Variants in GRHL1 observed in about 807,000 individuals in gnomAD.
GRHL1 encodes grainyhead like transcription factor 1.
A neutral mutation model predicts 75.7 loss-of-function variants in GRHL1; 38 were observed. The observed-to-expected ratio is 0.50, with a 90% CI of 0.39 to 0.66. The LOEUF is 0.66. Ranked by LOEUF, GRHL1 falls within the 30% of genes least tolerant of loss-of-function variation. The pLI, the probability that GRHL1 is intolerant of heterozygous loss-of-function variation, is 0.00. For missense variants in GRHL1, 589 were observed against 767.5 expected, an observed-to-expected ratio of 0.77 and a Z score of 2.75; for synonymous variants, 266 against 279.4, an observed-to-expected ratio of 0.95 and a Z score of 0.48.
chr2:9,970,553 G>A (rs1160563353), intron 8 of GRHL1, among the ~76,000 whole-genome samples: 1 of 152,198 alleles, frequency 6.6e-6, no homozygotes, highest in Non-Finnish European at 1.5e-5. Flanking sequence ...TTTTCTTGAT[G>A]GCGTGATCTT....
rs376559669 is a variant in GRHL1, at chr2:9,951,849, G to A, written c.16G>A (p.Asp6Asn). 331 of 1,504,934 alleles carry A rather than the reference G, an allele frequency of 2.2e-4. No individual in the cohort carries two copies. Among genetic ancestry groups the A allele is most frequent in the Admixed American group, 3.2e-4 (16 of 49,490 alleles). 93.2% of individuals were successfully genotyped at this position (1,504,934 alleles called of 1,614,324 possible). A position where few individuals can be genotyped will look rare whatever the true frequency, so the allele number is the denominator to read the frequency against. Residue 6 changes from aspartate (D) to asparagine (N), a missense_variant, in exon 1 of 16, where the codon GAC (aspartate) becomes AAC (asparagine). Coordinates refer to ENST00000324907, the MANE Select transcript of GRHL1 (RefSeq NM_198182.3). This position sits in a 1 kb window ranked among gnomAD's most constrained non-coding sequence, Gnocchi z 4.2. MTQEY[D>N]NKRPVLVLQN... ...AGCGGGCGCGATGACACAGGAGTAC[G>A]ACAAGTGAGTGAGGCGCAGGAGTCC...
intron 2 of GRHL1, among the ~76,000 whole-genome samples, chr2:9,958,327 T>A (rs1210542598): frequency 6.6e-6 from 1 of 152,014 alleles, no homozygotes; most frequent in Non-Finnish European, 1.5e-5. Flanking sequence ...TACAGGCACA[T>A]GCTACCACGC....
chr2:9,998,611 CATAT>C lies in GRHL1; in HGVS notation c.1678-349_1678-346del, dbSNP rs199650482. ...ATATATATGTACACATATATATATA[CATAT>C]ATATGTACACATATACATATATATG... On this transcript the variant is annotated intron_variant, in intron 14 of 15. Coordinates refer to ENST00000324907, the MANE Select transcript of GRHL1 (RefSeq NM_198182.3). Among the ~76,000 whole-genome samples, 2 of 43,420 alleles carry C rather than the reference CATAT, an allele frequency of 4.6e-5. 1 individual carries two copies. The highest frequency in any genetic ancestry group is 7.8e-5 in the Non-Finnish European group (2 of 25,740). 28.5% of individuals were successfully genotyped at this position (43,420 alleles called of 152,430 possible).
chr2:9,986,438 G>C (rs918864075), intron 9 of GRHL1, among the ~76,000 whole-genome samples, 156 bp downstream of exon 9: 2 of 152,014 alleles, frequency 1.3e-5, no homozygotes, highest in African/African-American at 4.8e-5. Context: ...TTATTGTTGA[G>C]ACAGAGTCTC....
rs968814834 is a variant in GRHL1 at position 9,976,775 on chromosome 2, G to C, written c.1111-9349G>C. On this transcript the variant is annotated intron_variant, in intron 8 of 15. Transcript: ENST00000324907. ...TGGCATTTCTCAGACTCAGATCTGG[G>C]TATATTTTTAGGGGTGAAGCAACTT... Among the ~76,000 whole-genome samples the C allele has an allele frequency of 5.3e-5, 8 of 152,268 alleles. No individual in the cohort carries two copies. The South Asian group carries it at 1.7e-3, about 32-fold the overall frequency.
intron 8 of GRHL1, among the ~76,000 whole-genome samples, chr2:9,970,162 G>T (rs948620030): frequency 2.0e-5 from 3 of 152,190 alleles, no homozygotes; most frequent in Admixed American, 6.5e-5. Flanking sequence ...ACTTTTAAAG[G>T]ATGTAATGAA....
Position 9,951,921 on chromosome 2 carries a change from G to T in GRHL1, c.20+68G>T, listed in dbSNP as rs1666795172. 2 of 1,134,336 alleles carry T rather than the reference G, an allele frequency of 1.8e-6. No homozygotes were observed. Among genetic ancestry groups the T allele is most frequent in the Non-Finnish European group, 1.1e-6 (1 of 897,724 alleles). The allele number at this position is 1,134,336 out of a possible 1,614,324, so 70.3% of individuals were successfully genotyped here. A position where few individuals can be genotyped will look rare whatever the true frequency, so the allele number is the denominator to read the frequency against. ...CTGAGGGGCCGCACCTGCAGCGAGC[G>T]AGCCGGGCGCAGACCCGAGGCCGCG... On this transcript the variant is annotated intron_variant, in intron 1 of 15. Transcript: ENST00000324907. The surrounding 1 kb of genome is among the most constrained non-coding windows in gnomAD (Gnocchi z 4.2).
intron 1 of GRHL1, chr2:9,952,789 T>C: frequency 3.6e-6 from 1 of 274,652 alleles, no homozygotes; most frequent in Non-Finnish European, 7.3e-6. Flanking sequence ...GGCAGATAGG[T>C]ACCCCTCCCA....
At chr2:9,980,510 A>G (rs1041675883) in intron 8 of GRHL1, among the ~76,000 whole-genome samples, 1 of 152,012 alleles carries the variant, frequency 6.6e-6, no homozygotes, top group African/African-American at 2.4e-5. Context: ...AAAATGGGCT[A>G]GACATTTAAA....
rs776312551 is a variant in GRHL1 at position 9,951,885 on chromosome 2, G to C, written c.20+32G>C. On this transcript the variant is annotated intron_variant, in intron 1 of 15. Transcript: ENST00000324907. The surrounding 1 kb of genome is among the most constrained non-coding windows in gnomAD (Gnocchi z 4.2). ...GAGGCGCAGGAGTCCGGCCGCCGCG[G>C]GGGGGCCGCGCTGAGGGGCCGCACC... 2.0e-5 allele frequency: 29 copies of C among 1,421,044 alleles called. No individual in the cohort carries two copies. The highest frequency in any genetic ancestry group is 2.5e-5 in the Non-Finnish European group (27 of 1,072,640). 88.0% of individuals were successfully genotyped at this position (1,421,044 alleles called of 1,614,324 possible). A position where few individuals can be genotyped will look rare whatever the true frequency, so the allele number is the denominator to read the frequency against.
At chr2:9,954,879 G>T (rs1477609807) in intron 1 of GRHL1, 36 bp from the exon 2 acceptor site, 1 of 1,538,284 alleles carries the variant, frequency 6.5e-7, no homozygotes, top group Non-Finnish European at 9.0e-7. Context: ...CAGTAGAAAA[G>T]TGTGTGTTTT....
chr2:9,977,307 T>G (rs1667988747), intron 8 of GRHL1, among the ~76,000 whole-genome samples: 1 of 152,202 alleles, frequency 6.6e-6, no homozygotes, highest in Admixed American at 6.5e-5. Flanking sequence ...TAATAACAGA[T>G]AATAATAAAC....
At chr2:9,952,603 T>C (rs1229272225) in intron 1 of GRHL1, among the ~76,000 whole-genome samples, 1 of 152,206 alleles carries the variant, frequency 6.6e-6, no homozygotes, top group African/African-American at 2.4e-5. Flanking sequence ...TTTCGACAAA[T>C]GTGAGGTGGT....
chr2:9,986,299 T>A lies in GRHL1; in HGVS notation c.1269+17T>A, dbSNP rs151157587. The A allele has an allele frequency of 3.6e-4, 577 of 1,603,950 alleles. 1 individual carries two copies. In the African/African-American group the frequency reaches 7.0e-3, roughly 19 times the overall value. ...TGTGACAAGGTAAGATCGGCAGGGA[T>A]GCTTGGAACAAGTGTTTGAGACACA... On this transcript the variant is annotated intron_variant, in intron 9 of 15. Transcript: ENST00000324907.
intron 4 of GRHL1, among the ~76,000 whole-genome samples, chr2:9,961,810 T>C (rs2125209353): frequency 6.6e-6 from 1 of 152,226 alleles, no homozygotes; most frequent in African/African-American, 2.4e-5. Flanking sequence ...TAAAATGAGT[T>C]ATTATATCTT....
chr2:9,967,020 G>A (rs995175052), intron 8 of GRHL1, among the ~76,000 whole-genome samples: 9 of 152,156 alleles, frequency 5.9e-5, no homozygotes, highest in African/African-American at 1.9e-4. Flanking sequence ...TGGCTACTAC[G>A]AACAGCCTAT....
At position 9,954,948 on chromosome 2, in the gene GRHL1, A is replaced by C; in HGVS notation, c.54A>C (p.Ala18=). Residue 18 remains alanine (A), a synonymous_variant, in exon 2 of 16, where the codon GCA becomes GCC. Transcript: ENST00000324907. ...KRPVLVLQNE[A]LYPQRRSYTS... is the part of the protein sequence containing the mutation. ...CAGTGTTGGTTCTTCAGAATGAAGCACTTTATCCACAGCGGCGGTCCTACA... is the reference window on the plus strand; with the variant it reads ...CAGTGTTGGTTCTTCAGAATGAAGCCCTTTATCCACAGCGGCGGTCCTACA... 1 of 1,613,668 alleles carries C rather than the reference A, an allele frequency of 6.2e-7. No individual in the cohort carries two copies. The highest frequency in any genetic ancestry group is 8.5e-7 in the Non-Finnish European group (1 of 1,179,718).
intron 8 of GRHL1, among the ~76,000 whole-genome samples, chr2:9,980,101 A>G (rs1668133820): frequency 6.6e-6 from 1 of 151,132 alleles, no homozygotes; most frequent in Non-Finnish European, 1.5e-5. Flanking sequence ...CTTTCCCTAT[A>G]CCTGCTGTGA....
At chr2:9,954,880 T>G in intron 1 of GRHL1, 35 bp from the exon 2 acceptor site, 1 of 1,538,606 alleles carries the variant, frequency 6.5e-7, no homozygotes, top group Non-Finnish European at 9.0e-7. Flanking sequence ...AGTAGAAAAG[T>G]GTGTGTTTTT....
Sources: gnomAD v4.1 joint callset for allele counts (sites outside exome capture counted in the v4.1 genomes callset) on GRCh38, gnomAD v4.1.1 for gene constraint, Gnocchi (gnomAD v3.1) non-coding constraint, MANE v1.5 for transcripts, NCBI Gene and HGNC (gene_info 2026-07-23, HGNC 2026-07-21) for gene names.